ZRANB3: variants seen among roughly 807,000 people sequenced by gnomAD.
ZRANB3 encodes DNA annealing helicase and endonuclease ZRANB3.
In ZRANB3, 125 loss-of-function variants were observed where a neutral mutation model predicts 133.8. The ratio of observed to expected loss-of-function variants is 0.93; its 90% CI spans 0.81 to 1.08. The LOEUF (loss-of-function observed/expected upper bound fraction) is 1.08. Among genes scored for constraint, ZRANB3 ranks in the 50% least tolerant of loss-of-function variants. The pLI, the probability that ZRANB3 is intolerant of heterozygous loss-of-function variation, is 0.00. For synonymous variants in ZRANB3, 387 were observed against 432.7 expected (o/e 0.89, Z 1.31); for missense variants, 1,229 against 1,275.5 (o/e 0.96, Z 0.56).
chr2:135,419,114 T>C (rs1273288454), intron 2 of ZRANB3, among the ~76,000 whole-genome samples: 4 of 151,498 alleles, frequency 2.6e-5, no homozygotes, highest in Admixed American at 6.6e-5. Flanking sequence ...ATTTTTTGTA[T>C]TTTTAGTAGA....
rs970989576 is a variant in ZRANB3, at chr2:135,511,877, G to C, written c.-7-7381C>G. 9.8e-5 allele frequency: 75 copies of C among 762,610 alleles called. No homozygotes were observed. In the African/African-American group the frequency reaches 1.2e-3, roughly 13 times the overall value. 47.2% of individuals were successfully genotyped at this position (762,610 alleles called of 1,614,324 possible). A position where few individuals can be genotyped will look rare whatever the true frequency, so the allele number is the denominator to read the frequency against. On this transcript the variant is annotated intron_variant, in intron 1 of 20. Coordinates refer to ENST00000264159, the MANE Select transcript of ZRANB3 (RefSeq NM_032143.4). ...TGCAGCATGTCTGGGGCCTAGTTCA[G>C]CAGTGTGTAATGCTGTCTCACAAAT...
At chr2:135,392,022 G>T (rs1687259769) in intron 2 of ZRANB3, among the ~76,000 whole-genome samples, 3 of 152,164 alleles carry the variant, frequency 2.0e-5, no homozygotes, top group African/African-American at 7.2e-5. Context: ...AAGGGGCAAA[G>T]GGAAAGAATA....
At chr2:135,504,768 C>T (rs1054760943) in intron 1 of ZRANB3, among the ~76,000 whole-genome samples, 16 of 152,172 alleles carry the variant, frequency 1.1e-4, no homozygotes, top group African/African-American at 3.6e-4. Context: ...TTTAACACCA[C>T]AAATTTATTA....
intron 2 of ZRANB3, among the ~76,000 whole-genome samples, chr2:135,423,521 T>C (rs929776288): frequency 2.6e-5 from 4 of 152,246 alleles, no homozygotes; most frequent in African/African-American, 9.6e-5. Flanking sequence ...CAGTATGGTC[T>C]CATCTTAAAT....
intron 12 of ZRANB3, among the ~76,000 whole-genome samples, chr2:135,231,810 C>A (rs539048125): frequency 6.6e-6 from 1 of 151,388 alleles, no homozygotes; most frequent in East Asian, 1.9e-4. Flanking sequence ...CACAAAAAAA[C>A]GGGGGATGGA....
intron 2 of ZRANB3, among the ~76,000 whole-genome samples, chr2:135,485,242 A>G (rs771750308): frequency 1.9e-4 from 29 of 152,052 alleles, no homozygotes; most frequent in Non-Finnish European, 3.5e-4. Context: ...AGTAGGAGGA[A>G]TAGCTGTGTT....
Position 135,389,535 on chromosome 2 carries a change from T to C in ZRANB3, c.180+1267A>G, listed in dbSNP as rs921127462. ...CCTTGGCCAAAATGGTGAAACCCCT[T>C]CTCTACTAAAAATACAAAAATTAGC... On this transcript the variant is annotated intron_variant, in intron 3 of 20. Coordinates refer to ENST00000264159, the MANE Select transcript of ZRANB3 (RefSeq NM_032143.4). Among the ~76,000 whole-genome samples, 154 of 152,090 alleles carry C rather than the reference T, an allele frequency of 1.0e-3. 1 individual carries two copies. Among genetic ancestry groups the C allele is most frequent in the African/African-American group, 3.5e-3 (146 of 41,528 alleles).
At chr2:135,255,730 CT>C (rs36115129) in intron 12 of ZRANB3, among the ~76,000 whole-genome samples, 3,633 of 152,054 alleles carry the variant, frequency 0.024, 164 homozygotes, top group African/African-American at 0.083. Context: ...GATGATAGTC[CT>C]GGCTACTTGG....
chr2:135,265,282 T>C (rs1472866879), intron 12 of ZRANB3, among the ~76,000 whole-genome samples: 1 of 152,212 alleles, frequency 6.6e-6, no homozygotes, highest in East Asian at 1.9e-4. Context: ...CTCAGTGTCA[T>C]AAAGATAGCC....
intron 12 of ZRANB3, among the ~76,000 whole-genome samples, chr2:135,245,970 A>G (rs1363621524): frequency 6.8e-6 from 1 of 146,466 alleles, no homozygotes; most frequent in East Asian, 2.0e-4. Flanking sequence ...TCACCATGAT[A>G]AACATCTGAA....
At chr2:135,272,069 T>C (rs1248351789) in intron 9 of ZRANB3, among the ~76,000 whole-genome samples, 182 bp from the exon 10 acceptor site, 1 of 152,224 alleles carries the variant, frequency 6.6e-6, no homozygotes, top group Non-Finnish European at 1.5e-5. Flanking sequence ...CTTATAACAA[T>C]TTCTTATTTT....
intron 6 of ZRANB3, among the ~76,000 whole-genome samples, chr2:135,340,861 A>C (rs1684619116): frequency 6.8e-6 from 1 of 147,944 alleles, no homozygotes. Context: ...GTCTCAAAAA[A>C]AACAGTAAAA....
rs111678469 is a variant in ZRANB3 at position 135,292,061 on chromosome 2, T to C, written c.967-16306A>G. ...AATAGTGCCGAAATAAATGTACGTG[T>C]GCATGTGTCTTTATAGCAGCATGTT... is the stretch of plus-strand genomic sequence containing the variant. On this transcript the variant is annotated intron_variant, in intron 8 of 20. Transcript: ENST00000264159. 3.0e-3 allele frequency among the ~76,000 whole-genome samples: 453 copies of C among 152,370 alleles called. 3 individuals are homozygous for C. Among genetic ancestry groups the C allele is most frequent in the African/African-American group, 0.01 (422 of 41,580 alleles).
At chr2:135,442,508 G>T (rs567195298) in intron 2 of ZRANB3, among the ~76,000 whole-genome samples, 12 of 152,106 alleles carry the variant, frequency 7.9e-5, no homozygotes, top group African/African-American at 2.9e-4. Context: ...ACCATCTCAC[G>T]CCAGTTAGAA....
intron 2 of ZRANB3, among the ~76,000 whole-genome samples, chr2:135,434,269 G>A (rs868409304): frequency 6.6e-6 from 1 of 152,196 alleles, no homozygotes; most frequent in South Asian, 2.1e-4. Flanking sequence ...ATTAACAGGC[G>A]GATCTGAGTC....
intron 2 of ZRANB3, among the ~76,000 whole-genome samples, chr2:135,392,708 A>C (rs1687297136): frequency 6.6e-6 from 1 of 152,182 alleles, no homozygotes; most frequent in African/African-American, 2.4e-5. Flanking sequence ...AGATCATGCC[A>C]CTGCACTCCA....
At chr2:135,412,356 A>G (rs535188595) in intron 2 of ZRANB3, among the ~76,000 whole-genome samples, 1 of 152,268 alleles carries the variant, frequency 6.6e-6, no homozygotes, top group East Asian at 1.9e-4. Context: ...ATCTATCAAC[A>G]TTGAGTTATC....
chr2:135,386,483 C>T (rs1252147424), intron 3 of ZRANB3, among the ~76,000 whole-genome samples: 1 of 152,168 alleles, frequency 6.6e-6, no homozygotes, highest in African/African-American at 2.4e-5. Flanking sequence ...CCAGTGATCC[C>T]ATTACTGGGT....
At chr2:135,289,248 T>C (rs1681556055) in intron 8 of ZRANB3, among the ~76,000 whole-genome samples, 1 of 152,076 alleles carries the variant, frequency 6.6e-6, no homozygotes. Flanking sequence ...AGGGTTCTTT[T>C]GTAGTTGATT....
Sources: allele counts gnomAD v4.1 joint callset (sites outside exome capture counted in the v4.1 genomes callset), GRCh38; gene constraint gnomAD v4.1.1; transcripts MANE v1.5; gene names NCBI Gene and HGNC (gene_info 2026-07-23, HGNC 2026-07-21).